TRAK2: variants seen among roughly 807,000 people sequenced by gnomAD.
TRAK2 encodes trafficking kinesin protein 2, also known as trafficking kinesin-binding protein 2.
Under a neutral mutation model 104.6 loss-of-function variants are expected in TRAK2, and 81 were observed. The observed-to-expected ratio is 0.77, with a 90% CI of 0.65 to 0.93. TRAK2 has a LOEUF of 0.93. Ranked by LOEUF, TRAK2 falls within the 40% of genes least tolerant of loss-of-function variation. TRAK2 has a pLI of 0.00. For synonymous variants in TRAK2, 406 were observed against 394.4 expected (o/e 1.03, Z -0.35); for missense variants, 1,002 against 1,089.0 (o/e 0.92, Z 1.12).
intron 2 of TRAK2, chr2:201,411,011 A>G (rs1388645502): frequency 7.2e-7 from 1 of 1,382,004 alleles, no homozygotes; most frequent in Non-Finnish European, 1.0e-6. Flanking sequence ...CCATATTGAC[A>G]TTTAGGCCAT....
rs576288609 is a variant in TRAK2 at position 201,433,888 on chromosome 2, TTCGCCTCTGGCTGATTG to T, written c.-199-13199_-199-13183del. Among the ~76,000 whole-genome samples, 57 of 152,346 alleles carry T rather than the reference TTCGCCTCTGGCTGATTG, an allele frequency of 3.7e-4. No individual in the cohort carries two copies. The East Asian group carries it at 0.011, about 29-fold the overall frequency. Reference sequence around the variant, plus strand: ...AAACCATTTCAGTCAGTCACATTTCTTCGCCTCTGGCTGATTGTCAGCTGCATGGGTACATCTTTTGT... The same window carrying T: ...AAACCATTTCAGTCAGTCACATTTCTTCAGCTGCATGGGTACATCTTTTGT... On this transcript the variant is annotated intron_variant, in intron 1 of 15. Transcript: ENST00000332624.
At chr2:201,389,663 A>T (rs1445324017) in intron 11 of TRAK2, 138 bp downstream of exon 11, 1 of 1,076,582 alleles carries the variant, frequency 9.3e-7, no homozygotes. Context: ...TCTCTCACAA[A>T]AAAAGGACAC....
rs775826377 is a variant in TRAK2 at position 201,420,529 on chromosome 2, G to C, written c.-22C>G. 5 of 1,594,860 alleles carry C rather than the reference G, an allele frequency of 3.1e-6. No homozygotes were observed. The highest frequency in any genetic ancestry group is 1.3e-5 in the African/African-American group (1 of 74,636). On this transcript the variant is annotated 5_prime_UTR_variant, in exon 2 of 16. Coordinates refer to ENST00000332624, the MANE Select transcript of TRAK2 (RefSeq NM_015049.3). ...TCATGCAGGATCCTTTCTTGCTTTG[G>C]TTGAGAAGGACAGCTTTGGTATGAA...
intron 5 of TRAK2, among the ~76,000 whole-genome samples, chr2:201,398,950 C>G (rs1951525314): frequency 6.6e-6 from 1 of 152,114 alleles, no homozygotes; most frequent in African/African-American, 2.4e-5. Flanking sequence ...TCAGTTCTCA[C>G]TACAAACGTT....
chr2:201,439,690 T>C (rs998239440), intron 1 of TRAK2, among the ~76,000 whole-genome samples: 2 of 151,482 alleles, frequency 1.3e-5, no homozygotes, highest in Non-Finnish European at 2.9e-5. Flanking sequence ...TGCTCAAATG[T>C]CCAACAATGA....
chr2:201,388,125 C>A (rs764078116), intron 12 of TRAK2, 124 bp from the exon 13 acceptor site: 3 of 1,034,040 alleles, frequency 2.9e-6, no homozygotes, highest in Non-Finnish European at 4.5e-6. Flanking sequence ...TCCTAGATAC[C>A]TGGAATATAG....
Position 201,407,584 on chromosome 2 carries a change from A to G in TRAK2, c.105T>C (p.Asn35=), listed in dbSNP as rs750115961. The change falls in exon 3 of 16, where the codon AAT becomes AAC. Residue 35 remains asparagine (N), a synonymous_variant. Coordinates refer to ENST00000332624, the MANE Select transcript of TRAK2 (RefSeq NM_015049.3). The part of the protein sequence containing the change: ...DSESITDVCS[N]EDLPEVELVS... ...CCAGCTCAACTTCAGGGAGATCCTC[A>G]TTGGAGCAGACATCTAAAGAGGAGA... The G allele has an allele frequency of 6.2e-7, 1 of 1,613,110 alleles. No individual in the cohort carries two copies. Among genetic ancestry groups the G allele is most frequent in the South Asian group, 1.1e-5 (1 of 90,888 alleles).
chr2:201,450,978 T>G (rs1952027867), intron 1 of TRAK2, among the ~76,000 whole-genome samples: 1 of 152,140 alleles, frequency 6.6e-6, no homozygotes, highest in African/African-American at 2.4e-5. Context: ...CTCCTCCCAC[T>G]TACATCACAG....
chr2:201,422,049 CAAAA>C (rs71022367), intron 1 of TRAK2, among the ~76,000 whole-genome samples: 3 of 91,126 alleles, frequency 3.3e-5, no homozygotes, highest in Non-Finnish European at 4.4e-5. Context: ...GACTCTGTCT[CAAAA>C]AAAAAAAAAA....
rs1186013713 is a variant in TRAK2, at chr2:201,450,431, G to C, written c.-200+919C>G. On this transcript the variant is annotated intron_variant, in intron 1 of 15. Coordinates refer to ENST00000332624, the MANE Select transcript of TRAK2 (RefSeq NM_015049.3). ...TCTGTCTTAAAAAAAAAAAAGAAAAGAAAGTTGGAATAACTGCTAGGATGA... is the reference window on the plus strand; with the variant it reads ...TCTGTCTTAAAAAAAAAAAAGAAAACAAAGTTGGAATAACTGCTAGGATGA... 2.0e-5 allele frequency among the ~76,000 whole-genome samples: 3 copies of C among 151,758 alleles called. 1 individual carries two copies. Among genetic ancestry groups the C allele is most frequent in the South Asian group, 4.2e-4 (2 of 4,802 alleles).
intron 1 of TRAK2, among the ~76,000 whole-genome samples, chr2:201,436,092 A>G (rs1397978020): frequency 2.6e-5 from 4 of 152,186 alleles, no homozygotes; most frequent in Non-Finnish European, 2.9e-5. Flanking sequence ...TATAGTTACC[A>G]TATTTTTTAT....
chr2:201,384,700 T>C (rs1291704154), intron 14 of TRAK2, among the ~76,000 whole-genome samples: 1 of 152,230 alleles, frequency 6.6e-6, no homozygotes, highest in Non-Finnish European at 1.5e-5. Flanking sequence ...AACAAGGCAA[T>C]ATCACCAAGT....
intron 1 of TRAK2, among the ~76,000 whole-genome samples, chr2:201,431,939 C>G (rs569358645): frequency 2.0e-5 from 3 of 152,276 alleles, no homozygotes; most frequent in South Asian, 4.2e-4. Context: ...ATAGTAGCAG[C>G]TACCTCAGAG....
rs763733836 is a variant in TRAK2 at position 201,392,963 on chromosome 2, T to C, written c.1059A>G (p.Arg353=). 2 of 1,613,714 alleles carry C rather than the reference T, an allele frequency of 1.2e-6. No homozygotes were observed. Among genetic ancestry groups the C allele is most frequent in the Non-Finnish European group, 1.7e-6 (2 of 1,179,820 alleles). The change falls in exon 10 of 16, where the codon AGA becomes AGG. Residue 353 remains arginine, a synonymous_variant. Transcript: ENST00000332624. ...SQEEIKELRS[R]SGPTAHLYFS... is the part of the protein sequence containing the mutation. ...AGTAGAGATGAGCAGTAGGGCCAGATCTACTACGAAGTTCCTTTATTTCTT... is the reference window on the plus strand; with the variant it reads ...AGTAGAGATGAGCAGTAGGGCCAGACCTACTACGAAGTTCCTTTATTTCTT...
chr2:201,445,245 T>G (rs1951956137), intron 1 of TRAK2, among the ~76,000 whole-genome samples: 1 of 152,136 alleles, frequency 6.6e-6, no homozygotes, highest in African/African-American at 2.4e-5. Flanking sequence ...TATATAAATA[T>G]TAAGCAGCCA....
chr2:201,387,425 T>C (rs1951401386), intron 13 of TRAK2, among the ~76,000 whole-genome samples: 1 of 152,180 alleles, frequency 6.6e-6, no homozygotes, highest in African/African-American at 2.4e-5. Flanking sequence ...TGATATTCCT[T>C]AGCAAAGGAC....
chr2:201,417,242 A>AAAAAAAAAAAAAAAAAAAAAAAAG (rs1951701220), intron 2 of TRAK2, among the ~76,000 whole-genome samples: 1 of 1,722 alleles, frequency 5.8e-4, no homozygotes, highest in Non-Finnish European at 2.6e-3. Context: ...AAGACATTGC[A>AAAAAAAAAAAAAAAAAAAAAAAAG]AAAAAAAAAA....
chr2:201,432,626 A>G (rs935359234), intron 1 of TRAK2, among the ~76,000 whole-genome samples: 1 of 152,236 alleles, frequency 6.6e-6, no homozygotes, highest in Non-Finnish European at 1.5e-5. Flanking sequence ...AATGACTTAG[A>G]TAGTTTAGCC....
chr2:201,434,467 T>A (rs1226473802), intron 1 of TRAK2, among the ~76,000 whole-genome samples: 2 of 152,110 alleles, frequency 1.3e-5, no homozygotes, highest in Non-Finnish European at 2.9e-5. Flanking sequence ...AAAATATTCA[T>A]CTGTTGATGA....
Sources: gnomAD v4.1 joint callset for allele counts (sites outside exome capture counted in the v4.1 genomes callset) on GRCh38, gnomAD v4.1.1 for gene constraint, MANE v1.5 for transcripts, NCBI Gene and HGNC (gene_info 2026-07-23, HGNC 2026-07-21) for gene names.